The following MANBA variants were observed in gnomAD, a reference collection of about 807,000 sequenced individuals.
MANBA encodes the protein mannosidase beta, also known as beta-mannosidase.
Under a neutral mutation model 111.1 loss-of-function variants are expected in MANBA, and 83 were observed. The observed-to-expected ratio is 0.75, with a 90% confidence interval of 0.63 to 0.90. The LOEUF (loss-of-function observed/expected upper bound fraction) is 0.90, where lower values mean the gene tolerates loss of function less well. MANBA is among the 40% of genes least tolerant of loss of function. The pLI, the probability that MANBA is intolerant of heterozygous loss-of-function variation, is 0.00. For synonymous variants in MANBA, 370 were observed against 378.7 expected, an observed-to-expected ratio of 0.98 and a Z score of 0.27; for missense variants, 1,036 against 1,069.0, an observed-to-expected ratio of 0.97 and a Z score of 0.43.
intron 7 of MANBA, 57 bp from the exon 8 acceptor site, chr4:102,674,127 T>A: frequency 1.4e-6 from 2 of 1,406,108 alleles, no homozygotes; most frequent in Non-Finnish European, 9.9e-7. Context: ...CAAAATAGTT[T>A]TTTTAAAAAA....
At chr4:102,742,461 T>C (rs1723438550) in intron 1 of MANBA, among the ~76,000 whole-genome samples, 5 of 152,304 alleles carry the variant, frequency 3.3e-5, no homozygotes, top group Admixed American at 3.3e-4. Context: ...CATGGTCTTC[T>C]GGAGAACTTT....
chr4:102,694,540 T>C (rs1732621698), intron 5 of MANBA, among the ~76,000 whole-genome samples: 1 of 152,154 alleles, frequency 6.6e-6, no homozygotes, highest in Admixed American at 6.5e-5. Context: ...ATCTCTCTCC[T>C]AGCATTAATA....
At chr4:102,662,281 C>T (rs1030258985) in intron 11 of MANBA, among the ~76,000 whole-genome samples, 1 of 152,122 alleles carries the variant, frequency 6.6e-6, no homozygotes, top group African/African-American at 2.4e-5. Flanking sequence ...GTGGCTCACA[C>T]CTGTAATCCC....
rs757914439 is a variant in MANBA at position 102,677,797 on chromosome 4, A to G, written c.961-3727T>C. 3.9e-5 allele frequency among the ~76,000 whole-genome samples: 6 copies of G among 152,324 alleles called. No homozygotes were observed. The South Asian group carries it at 1.2e-3, about 32-fold the overall frequency. ...CAAGACGTTAAAGTGACTTGCTAAC[A>G]TGTAAAACTGTCATTATTTCCACTG... On this transcript the variant is annotated intron_variant, in intron 7 of 16. Coordinates refer to ENST00000647097, the MANE Select transcript of MANBA (RefSeq NM_005908.4).
At chr4:102,756,709 A>C (rs1210660866) in intron 1 of MANBA, among the ~76,000 whole-genome samples, 4 of 151,126 alleles carry the variant, frequency 2.6e-5, no homozygotes, top group Non-Finnish European at 5.9e-5. Context: ...ACAGCTGTCA[A>C]AAAAAATAGT....
chr4:102,729,647 G>A (rs911595392), intron 1 of MANBA: 3 of 1,373,126 alleles, frequency 2.2e-6, no homozygotes, highest in African/African-American at 2.8e-5. Context: ...ACTTGTTCTT[G>A]AAGTCCTCCA....
chr4:102,710,281 T>A (rs1721999634), intron 5 of MANBA, among the ~76,000 whole-genome samples: 1 of 152,112 alleles, frequency 6.6e-6, no homozygotes, highest in Non-Finnish European at 1.5e-5. Flanking sequence ...CATAAAAAAA[T>A]TCTTAGATCT....
chr4:102,636,855 T>A (rs1729654845), intron 14 of MANBA, among the ~76,000 whole-genome samples: 2 of 152,178 alleles, frequency 1.3e-5, no homozygotes. Context: ...CAGTTAGATA[T>A]GGTTTGGCTG....
chr4:102,740,002 C>T (rs1327269240), intron 1 of MANBA, among the ~76,000 whole-genome samples: 5 of 152,068 alleles, frequency 3.3e-5, no homozygotes, highest in African/African-American at 4.8e-5. Flanking sequence ...GAAGTAAAAC[C>T]GTTGCTGTTC....
At chr4:102,759,149 T>TTC (rs1373268674) in intron 1 of MANBA, among the ~76,000 whole-genome samples, 1 of 151,618 alleles carries the variant, frequency 6.6e-6, no homozygotes, top group Non-Finnish European at 1.5e-5. Flanking sequence ...TTTTTTTTTT[T>TTC]TTTAGAGATA....
At chr4:102,648,808 C>T (rs1050239407) in intron 13 of MANBA, among the ~76,000 whole-genome samples, 2 of 152,088 alleles carry the variant, frequency 1.3e-5, no homozygotes, top group African/African-American at 4.8e-5. Flanking sequence ...ATGCACACAT[C>T]CATGTGACTA....
intron 5 of MANBA, among the ~76,000 whole-genome samples, chr4:102,696,675 G>C (rs1390899998): frequency 6.6e-6 from 1 of 152,080 alleles, no homozygotes; most frequent in African/African-American, 2.4e-5. Flanking sequence ...CATCTCACTG[G>C]GGGGAAAACC....
intron 5 of MANBA, among the ~76,000 whole-genome samples, chr4:102,701,253 C>G (rs1733025324): frequency 6.6e-6 from 1 of 151,788 alleles, no homozygotes; most frequent in South Asian, 2.1e-4. Flanking sequence ...CTATGTGTGT[C>G]TCTGCATGGG....
In MANBA at chr4:102,669,030, A is replaced by G; in HGVS notation, c.1250T>C (p.Phe417Ser). ...ATCAGTTGGATAAAGGGCACAGGCA[A>G]ACATAAAATCCTGCCATACCTAGCA... is the stretch of plus-strand genomic sequence containing the variant. ...LGIMVWQDFM[F>S]ACALYPTDQG... The change falls in exon 10 of 17, where the codon TTT (phenylalanine) becomes TCT (serine). Residue 417 changes from phenylalanine (F) to serine (S), a missense_variant. Phe to Ser is a radical substitution (Grantham distance 155). Transcript: ENST00000647097. The G allele has an allele frequency of 6.2e-7, 1 of 1,613,272 alleles. No homozygotes were observed. Among genetic ancestry groups the G allele is most frequent in the Non-Finnish European group, 8.5e-7 (1 of 1,179,568 alleles).
At chr4:102,655,235 T>A (rs910293575) in intron 12 of MANBA, among the ~76,000 whole-genome samples, 5 of 152,092 alleles carry the variant, frequency 3.3e-5, no homozygotes, top group African/African-American at 1.2e-4. Context: ...TAGATGGCAA[T>A]ACTCACAAAC....
chr4:102,728,200 C>G (rs1416203304), intron 1 of MANBA: 1 of 538,410 alleles, frequency 1.9e-6, no homozygotes, highest in Non-Finnish European at 3.8e-6. Context: ...GTTCCAGCTC[C>G]CTTGGGGCTG....
chr4:102,690,522 C>G, intron 6 of MANBA, 74 bp downstream of exon 6: 1 of 1,389,650 alleles, frequency 7.2e-7, no homozygotes, highest in Non-Finnish European at 1.0e-6. Context: ...ATACTTAGTC[C>G]CTCCTTTCTA....
Position 102,674,014 on chromosome 4 carries a change from C to T in MANBA, c.1017G>A (p.Leu339=). 6.2e-7 allele frequency: 1 copy of T among 1,606,478 alleles called. No individual in the cohort carries two copies. ...IEEPIKGSPG[L]SFYFKINGFP... Reference sequence around the variant, plus strand: ...ATCCATTAATTTTGAAATAGAAACTCAAACCAGGAGACCCTTTTATAGGCT... The same window carrying T: ...ATCCATTAATTTTGAAATAGAAACTTAAACCAGGAGACCCTTTTATAGGCT... The change falls in exon 8 of 17, where the codon TTG becomes TTA. Residue 339 remains leucine, a synonymous_variant. Coordinates refer to ENST00000647097, the MANE Select transcript of MANBA (RefSeq NM_005908.4).
chr4:102,661,238 G>A (rs766004557), intron 11 of MANBA, among the ~76,000 whole-genome samples: 6 of 152,064 alleles, frequency 3.9e-5, no homozygotes, highest in Non-Finnish European at 8.8e-5. Flanking sequence ...CCTTTTACTC[G>A]AAAGCCTTTT....
Sources: gnomAD v4.1 joint callset for allele counts (sites outside exome capture counted in the v4.1 genomes callset) on GRCh38, gnomAD v4.1.1 for gene constraint, MANE v1.5 for transcripts, NCBI Gene and HGNC (gene_info 2026-07-23, HGNC 2026-07-21) for gene names.